The following DIAPH2 variants were observed in gnomAD, a reference collection of about 807,000 sequenced individuals.
DIAPH2 encodes diaphanous related formin 2.
A neutral mutation model predicts 92.7 loss-of-function variants in DIAPH2; 35 were observed. That is an observed-to-expected ratio of 0.38 (90% CI 0.29 to 0.50). DIAPH2 has a LOEUF of 0.50. Among genes scored for constraint, DIAPH2 ranks in the 20% least tolerant of loss-of-function variants. The probability of loss-of-function intolerance (pLI) is 0.94; values close to 1 mark genes in which losing one functional copy is unlikely to be tolerated. For synonymous variants in DIAPH2, 301 were observed against 280.4 expected, an observed-to-expected ratio of 1.07 and a Z score of -0.73; for missense variants, 701 against 819.5, an observed-to-expected ratio of 0.86 and a Z score of 1.77.
At chrX:97,008,158 G>T (rs1202023658) in intron 17 of DIAPH2, among the ~76,000 whole-genome samples, 1 of 105,464 alleles carries the variant, frequency 9.5e-6, no homozygotes, top group Non-Finnish European at 1.9e-5. Flanking sequence ...CTGTTTTTAA[G>T]CTTACTAATT....
At chrX:96,818,913 A>G (rs1270657394) in intron 4 of DIAPH2, among the ~76,000 whole-genome samples, 1 of 112,729 alleles carries the variant, frequency 8.9e-6, no homozygotes. Flanking sequence ...GGGGATCGTT[A>G]CAGGATGTAA....
At chrX:96,944,018 A>G (rs909514073) in intron 13 of DIAPH2, among the ~76,000 whole-genome samples, 1 of 111,958 alleles carries the variant, frequency 8.9e-6, no homozygotes. Flanking sequence ...GTTGACAAAT[A>G]CTTGGAACTT....
intron 25 of DIAPH2, among the ~76,000 whole-genome samples, chrX:97,412,800 C>A: frequency 8.9e-6 from 1 of 112,164 alleles, no homozygotes. Flanking sequence ...ACTAGAAAAT[C>A]TAGAAGAAAT....
chrX:97,157,213 T>C (rs952123356), intron 22 of DIAPH2, among the ~76,000 whole-genome samples: 2 of 109,163 alleles, frequency 1.8e-5, no homozygotes, highest in Non-Finnish European at 3.8e-5. Context: ...ACTCGGGAGG[T>C]TGAGGCAGGA....
intron 25 of DIAPH2, among the ~76,000 whole-genome samples, chrX:97,421,343 C>T (rs1214172278): frequency 9.0e-6 from 1 of 111,657 alleles, no homozygotes; most frequent in Non-Finnish European, 1.9e-5. Context: ...TTTGTTAGAT[C>T]TCAGAGAAGG....
At chrX:97,185,377 A>G (rs2067579346) in intron 22 of DIAPH2, among the ~76,000 whole-genome samples, 2 of 46,417 alleles carry the variant, frequency 4.3e-5, no homozygotes, top group Admixed American at 6.3e-4. Context: ...ATGTATATAT[A>G]TATGTATATA....
chrX:96,962,284 T>TACATATATATATATAC (rs2065854858), intron 16 of DIAPH2, among the ~76,000 whole-genome samples: 2 of 73,573 alleles, frequency 2.7e-5, no homozygotes, highest in African/African-American at 1.1e-4. Context: ...CATATATATA[T>TACATATATATATATAC]ACATATATAT....
intron 24 of DIAPH2, among the ~76,000 whole-genome samples, chrX:97,366,642 C>G (rs1216667576): frequency 2.7e-5 from 3 of 110,895 alleles, no homozygotes; most frequent in Non-Finnish European, 5.7e-5. Context: ...ATTTTTTTTT[C>G]TCTTTATGAT....
intron 17 of DIAPH2, among the ~76,000 whole-genome samples, chrX:97,039,799 A>T (rs2066436354): frequency 9.0e-6 from 1 of 111,378 alleles, no homozygotes; most frequent in Non-Finnish European, 1.9e-5. Flanking sequence ...GTTTCCTGAG[A>T]CTAAAGTGGG....
intron 4 of DIAPH2, among the ~76,000 whole-genome samples, chrX:96,831,355 T>C (rs1367776848): frequency 8.9e-6 from 1 of 112,101 alleles, no homozygotes; most frequent in Admixed American, 9.5e-5. Flanking sequence ...CTCTAGAATA[T>C]GGAAAGGCAG....
intron 5 of DIAPH2, among the ~76,000 whole-genome samples, chrX:96,903,457 AC>A (rs1245287790): frequency 8.9e-6 from 1 of 111,988 alleles, no homozygotes; most frequent in Non-Finnish European, 1.9e-5. Context: ...AGGAAAATAA[AC>A]CAATACATTT....
At chrX:96,808,365 ATTAAAG>A (rs956375644) in intron 4 of DIAPH2, among the ~76,000 whole-genome samples, 1 of 111,932 alleles carries the variant, frequency 8.9e-6, no homozygotes, top group Non-Finnish European at 1.9e-5. Context: ...TAATCATTAT[ATTAAAG>A]TTATAGTGAC....
rs1314268328 is a variant in DIAPH2 at position 97,439,424 on chromosome X, T to G, written c.3241+9679T>G. ...CACATCTCTACTAAAAATACAAAAA[T>G]TAGCTGGGCGTGGTGGCACGCGCCT... is the stretch of plus-strand genomic sequence containing the variant. On this transcript the variant is annotated intron_variant, in intron 26 of 26. Transcript: ENST00000324765. 2.7e-5 allele frequency among the ~76,000 whole-genome samples: 3 copies of G among 110,238 alleles called. No homozygotes were observed. The East Asian group carries it at 8.6e-4, about 32-fold the overall frequency.
chrX:96,926,991 G>A (rs941807221), intron 9 of DIAPH2, among the ~76,000 whole-genome samples: 1 of 111,296 alleles, frequency 9.0e-6, no homozygotes, highest in Non-Finnish European at 1.9e-5. Context: ...TCTGGATAAT[G>A]GACTTTGTGA....
At chrX:97,356,932 A>G (rs1369811754) in intron 24 of DIAPH2, among the ~76,000 whole-genome samples, 1 of 111,947 alleles carries the variant, frequency 8.9e-6, no homozygotes, top group East Asian at 2.8e-4. Flanking sequence ...GCTGAATTTT[A>G]CCCTTTAAAA....
intron 26 of DIAPH2, among the ~76,000 whole-genome samples, chrX:97,473,401 C>G (rs1004139992): frequency 9.0e-6 from 1 of 111,603 alleles, no homozygotes; most frequent in African/African-American, 3.3e-5. Context: ...ATGGCGTAAT[C>G]TCTGCTCACT....
chrX:96,718,988 A>G (rs746333935), intron 1 of DIAPH2, among the ~76,000 whole-genome samples: 8 of 111,724 alleles, frequency 7.2e-5, no homozygotes, highest in Non-Finnish European at 1.3e-4. Context: ...ACTGGGGGTA[A>G]CATGATACCT....
chrX:97,050,498 GTT>G (rs1298023522), intron 17 of DIAPH2, among the ~76,000 whole-genome samples: 1 of 100,011 alleles, frequency 1.0e-5, no homozygotes, highest in Non-Finnish European at 2.0e-5. Context: ...ATAGAACCAC[GTT>G]TTTTTGTTTT....
chrX:97,188,807 T>C (rs1326151191), intron 22 of DIAPH2, among the ~76,000 whole-genome samples: 1 of 112,532 alleles, frequency 8.9e-6, no homozygotes, highest in Non-Finnish European at 1.9e-5. Context: ...AAATGGTTTA[T>C]TATGGTAATA....
Sources: allele counts gnomAD v4.1 joint callset (sites outside exome capture counted in the v4.1 genomes callset), GRCh38; gene constraint gnomAD v4.1.1; transcripts MANE v1.5; gene names NCBI Gene and HGNC (gene_info 2026-07-23, HGNC 2026-07-21).